MRPS6: variants seen among roughly 807,000 people sequenced by gnomAD.
The protein encoded by MRPS6 is mitochondrial ribosomal protein S6, also known as small ribosomal subunit protein bS6m.
Under a neutral mutation model 13.1 loss-of-function variants are expected in MRPS6, and 6 were observed. That is an observed-to-expected ratio of 0.46 (90% CI 0.25 to 0.91). MRPS6 has a LOEUF of 0.91. MRPS6 is among the 40% of genes least tolerant of loss of function. The probability of loss-of-function intolerance (pLI) is 0.18; values close to 1 mark genes in which losing one functional copy is unlikely to be tolerated. For missense variants in MRPS6, 164 were observed against 155.6 expected (o/e 1.05, Z -0.29); for synonymous variants, 61 against 56.5 (o/e 1.08, Z -0.36).
intron 2 of MRPS6, among the ~76,000 whole-genome samples, chr21:34,137,747 T>G (rs1297659574): frequency 1.3e-5 from 2 of 152,266 alleles, no homozygotes; most frequent in Non-Finnish European, 1.5e-5. Flanking sequence ...CTTTATAAGT[T>G]TGAGGGAGGT....
At chr21:34,135,416 G>T in intron 2 of MRPS6, 1 of 409,814 alleles carries the variant, frequency 2.4e-6, no homozygotes, top group Admixed American at 2.4e-5. Context: ...GGTTTATTGG[G>T]CATCAGCTGG....
At chr21:34,097,638 T>A in intron 1 of MRPS6, 1 of 1,145,260 alleles carries the variant, frequency 8.7e-7, no homozygotes, top group Non-Finnish European at 1.1e-6. Flanking sequence ...CACAGAGCAC[T>A]TAGAGCAGAA....
At chr21:34,122,962 A>G (rs2148668204) in intron 1 of MRPS6, 1 of 152,334 alleles carries the variant, frequency 6.6e-6, no homozygotes, top group Non-Finnish European at 1.5e-5. Flanking sequence ...TGTGTTTGAT[A>G]CAATCATAAG....
rs187381894 is a variant in MRPS6, at chr21:34,085,921, C to T, written c.45+12176C>T. Among the ~76,000 whole-genome samples, 3 of 152,294 alleles carry T rather than the reference C, an allele frequency of 2.0e-5. No individual in the cohort carries two copies. In the East Asian group the frequency reaches 5.8e-4, roughly 29 times the overall value. On this transcript the variant is annotated intron_variant, in intron 1 of 2. Coordinates refer to ENST00000399312, the MANE Select transcript of MRPS6 (RefSeq NM_032476.4). Reference sequence around the variant, plus strand: ...CCGGCCAGAAATAAGGACTTTTAAACAACCGTAGTGCCTTTACACCTAACT... The same window carrying T: ...CCGGCCAGAAATAAGGACTTTTAAATAACCGTAGTGCCTTTACACCTAACT...
At chr21:34,093,314 A>T (rs1314355727) in intron 1 of MRPS6, among the ~76,000 whole-genome samples, 1 of 151,986 alleles carries the variant, frequency 6.6e-6, no homozygotes, top group Non-Finnish European at 1.5e-5. Context: ...AAAGGATTTA[A>T]ATCACTTTTC....
At chr21:34,136,007 C>T (rs1980685342) in intron 2 of MRPS6, 2 of 289,578 alleles carry the variant, frequency 6.9e-6, no homozygotes, top group Non-Finnish European at 1.4e-5. Context: ...GCACAGCGTC[C>T]ACTTCCCAAA....
At position 34,090,521 on chromosome 21, in the gene MRPS6, T is replaced by C. The variant is rs181987696; in HGVS notation, c.45+16776T>C. On this transcript the variant is annotated intron_variant, in intron 1 of 2. Coordinates refer to ENST00000399312, the MANE Select transcript of MRPS6 (RefSeq NM_032476.4). Reference sequence around the variant, plus strand: ...AAAATGTTTGAGAGAGCTGCATCTTTAATGCATTATTTTATCTAATCTTTC... The same window carrying C: ...AAAATGTTTGAGAGAGCTGCATCTTCAATGCATTATTTTATCTAATCTTTC... Among the ~76,000 whole-genome samples, 34 of 152,380 alleles carry C rather than the reference T, an allele frequency of 2.2e-4. No individual in the cohort carries two copies. In the East Asian group the frequency reaches 5.4e-3, roughly 24 times the overall value.
At chr21:34,097,891 T>G (rs989442254) in intron 1 of MRPS6, 1 of 997,396 alleles carries the variant, frequency 1.0e-6, no homozygotes. Context: ...TTTGTTAGCA[T>G]GAGCCTACGG....
chr21:34,108,482 T>G lies in MRPS6; in HGVS notation c.46-16859T>G, dbSNP rs183470580. 3.4e-3 allele frequency among the ~76,000 whole-genome samples: 517 copies of G among 152,288 alleles called. 3 individuals carry two copies. Among genetic ancestry groups the G allele is most frequent in the Non-Finnish European group, 5.5e-3 (374 of 68,020 alleles). On this transcript the variant is annotated intron_variant, in intron 1 of 2. Transcript: ENST00000399312. ...ACTTTATGATTGTACAAAGCAAAAC[T>G]GCCTAACGACGCATTTCTCAGAACA...
chr21:34,080,490 C>A (rs992324528), intron 1 of MRPS6, among the ~76,000 whole-genome samples: 1 of 152,154 alleles, frequency 6.6e-6, no homozygotes, highest in East Asian at 1.9e-4. Context: ...CCCTCCCTTT[C>A]CACAATACCC....
At chr21:34,095,432 A>G (rs147105567) in intron 1 of MRPS6, 66 of 1,614,000 alleles carry the variant, frequency 4.1e-5, no homozygotes, top group Non-Finnish European at 5.6e-5. Flanking sequence ...GTGGATTTGC[A>G]GTGGGCGCAT....
At chr21:34,084,893 C>A (rs1235571193) in intron 1 of MRPS6, among the ~76,000 whole-genome samples, 1 of 152,132 alleles carries the variant, frequency 6.6e-6, no homozygotes, top group Non-Finnish European at 1.5e-5. Context: ...TTGCCTAGAT[C>A]ACTAATTGTT....
intron 1 of MRPS6, chr21:34,097,125 GA>G: frequency 6.2e-7 from 1 of 1,614,046 alleles, no homozygotes; most frequent in Non-Finnish European, 8.5e-7. Context: ...GGGTGAGAAA[GA>G]GAGAAAGAAA....
intron 1 of MRPS6, among the ~76,000 whole-genome samples, chr21:34,093,827 T>A (rs111579680): frequency 0.012 from 1,753 of 152,324 alleles, 36 homozygotes; most frequent in South Asian, 0.081. Context: ...AGAGTGATTA[T>A]CTTAATCCAG....
At chr21:34,087,535 C>T (rs532307438) in intron 1 of MRPS6, among the ~76,000 whole-genome samples, 3 of 152,188 alleles carry the variant, frequency 2.0e-5, no homozygotes, top group South Asian at 4.2e-4. Flanking sequence ...AGTTTTATAG[C>T]GTGTTAGGTG....
At chr21:34,075,277 A>G (rs1333111922) in intron 1 of MRPS6, among the ~76,000 whole-genome samples, 2 of 152,234 alleles carry the variant, frequency 1.3e-5, no homozygotes, top group East Asian at 1.9e-4. Flanking sequence ...CCTGTAGGCA[A>G]TAATATTTGC....
At chr21:34,102,523 A>G (rs761150528) in intron 1 of MRPS6, 142 of 1,000,004 alleles carry the variant, frequency 1.4e-4, no homozygotes, top group Non-Finnish European at 1.6e-4. Context: ...ACTGTTTGGT[A>G]TATCTGTATC....
intron 1 of MRPS6, chr21:34,106,062 A>G (rs767165627): frequency 4.0e-6 from 4 of 998,318 alleles, no homozygotes; most frequent in South Asian, 4.7e-5. Flanking sequence ...TCTGTAAAAT[A>G]CACTGTTCTT....
intron 1 of MRPS6, chr21:34,100,104 G>A: frequency 1.0e-6 from 1 of 998,986 alleles, no homozygotes; most frequent in African/African-American, 1.7e-5. Flanking sequence ...CTCAAGCTAA[G>A]GTTCAGAATT....
Sources: allele counts gnomAD v4.1 joint callset (sites outside exome capture counted in the v4.1 genomes callset), GRCh38; gene constraint gnomAD v4.1.1; transcripts MANE v1.5; gene names NCBI Gene and HGNC (gene_info 2026-07-23, HGNC 2026-07-21).